SHQ1: variants seen among roughly 807,000 people sequenced by gnomAD.
The protein encoded by SHQ1 is protein SHQ1 homolog.
Under a neutral mutation model 53.8 loss-of-function variants are expected in SHQ1, and 49 were observed. The observed-to-expected ratio is 0.91, with a 90% CI of 0.72 to 1.16. SHQ1 has a LOEUF of 1.16. Ranked by LOEUF, SHQ1 falls within the 50% of genes most tolerant of loss-of-function variation. SHQ1 has a pLI of 0.00. For missense variants in SHQ1, 738 were observed against 683.1 expected (o/e 1.08, Z -0.90); for synonymous variants, 243 against 251.0 (o/e 0.97, Z 0.30).
At chr3:72,818,137 C>A (rs1707374387) in intron 6 of SHQ1, among the ~76,000 whole-genome samples, 1 of 152,040 alleles carries the variant, frequency 6.6e-6, no homozygotes, top group South Asian at 2.1e-4. Context: ...ACTTCCTACA[C>A]CCTCCCTCAA....
downstream of SHQ1, among the ~76,000 whole-genome samples, chr3:72,748,351 A>G (rs918650535): frequency 2.0e-4 from 29 of 147,358 alleles, no homozygotes; most frequent in Middle Eastern, 3.4e-3. Flanking sequence ...AAAAAAAAAA[A>G]AAAAAAAAAA....
chr3:72,777,831 A>G (rs1294678984), intron 10 of SHQ1, among the ~76,000 whole-genome samples: 1 of 152,222 alleles, frequency 6.6e-6, no homozygotes. Context: ...ACAGACAGAC[A>G]AACAGCACTA....
Position 72,848,292 on chromosome 3 carries a change from TAGTC to T in SHQ1, c.45_48del (p.Thr16SerfsTer33), listed in dbSNP as rs746828316. 5 of 1,614,006 alleles carry T rather than the reference TAGTC, an allele frequency of 3.1e-6. No homozygotes were observed. The highest frequency in any genetic ancestry group is 2.7e-5 in the African/African-American group (2 of 74,906). On this transcript the variant is annotated frameshift_variant, in exon 1 of 11. Coordinates refer to ENST00000325599, the MANE Select transcript of SHQ1 (RefSeq NM_018130.3). LOFTEE classifies it high-confidence loss of function. ...CGGGCGTAGGGCACGCGGATGGCGA[TAGTC>T]AGGAAGTCCGGATCCTGGCTGAGGT...
chr3:72,742,619 C>CTTTTTTTT, the SHQ1 span, among the ~76,000 whole-genome samples: 38 of 128,590 alleles, frequency 3.0e-4, no homozygotes, highest in Non-Finnish European at 3.4e-4. Flanking sequence ...TTCTTTTTTT[C>CTTTTTTTT]TTTTTTTTTT....
intron 4 of SHQ1, 28 bp downstream of exon 4, chr3:72,841,016 GA>G: frequency 6.3e-7 from 1 of 1,588,270 alleles, no homozygotes; most frequent in Non-Finnish European, 8.5e-7. Context: ...AAACCCTATA[GA>G]TCAAGATCTT....
intron 10 of SHQ1, among the ~76,000 whole-genome samples, chr3:72,762,638 A>G (rs115547558): frequency 0.019 from 2,851 of 152,052 alleles, 84 homozygotes; most frequent in African/African-American, 0.063. Flanking sequence ...TCTGTGACTC[A>G]CTCAACATGA....
At chr3:72,842,478 C>T in intron 2 of SHQ1, 76 bp from the exon 3 acceptor site, 1 of 1,377,998 alleles carries the variant, frequency 7.3e-7, no homozygotes, top group Non-Finnish European at 1.0e-6. Context: ...CCAGTAATCC[C>T]AATACTCTGG....
chr3:72,786,473 T>G (rs935825941), intron 10 of SHQ1, among the ~76,000 whole-genome samples: 1 of 152,142 alleles, frequency 6.6e-6, no homozygotes, highest in Non-Finnish European at 1.5e-5. Context: ...GCATCCTGGG[T>G]TTTCAGGCTG....
At chr3:72,844,241 T>C (rs1708263474) in intron 2 of SHQ1, 118 bp downstream of exon 2, 1 of 779,940 alleles carries the variant, frequency 1.3e-6, no homozygotes, top group Non-Finnish European at 2.1e-6. Context: ...GAAAGAGTGA[T>C]AGGAACAGAT....
At position 72,835,083 on chromosome 3, in the gene SHQ1, T is replaced by G. The variant is rs78268773; in HGVS notation, c.487-2602A>C. On this transcript the variant is annotated intron_variant, in intron 4 of 10. Coordinates refer to ENST00000325599, the MANE Select transcript of SHQ1 (RefSeq NM_018130.3). The stretch of plus-strand genomic sequence containing the variant: ...TTCCTTGGTTTGCAGCCCCACATCA[T>G]AATACCATTCCTCCATCAGCTTCTT... Among the ~76,000 whole-genome samples, 749 of 151,114 alleles carry G rather than the reference T, an allele frequency of 5.0e-3. 8 individuals are homozygous for G. Among genetic ancestry groups the G allele is most frequent in the African/African-American group, 0.018 (720 of 41,052 alleles).
intron 10 of SHQ1, chr3:72,753,603 A>AG: frequency 1.0e-6 from 1 of 985,394 alleles, no homozygotes; most frequent in South Asian, 4.7e-5. Context: ...GTTGATGGGT[A>AG]GCTTTCTCTT....
chr3:72,786,398 T>C (rs762132730), intron 10 of SHQ1, among the ~76,000 whole-genome samples: 1 of 152,204 alleles, frequency 6.6e-6, no homozygotes, highest in African/African-American at 2.4e-5. Flanking sequence ...CATCTTTAGG[T>C]GGCCAAGCCT....
At chr3:72,817,169 C>T in intron 7 of SHQ1, 61 bp downstream of exon 7, 1 of 1,530,756 alleles carries the variant, frequency 6.5e-7, no homozygotes, top group Non-Finnish European at 8.8e-7. Flanking sequence ...AAGACTGATG[C>T]TTTAATGCAG....
intron 6 of SHQ1, among the ~76,000 whole-genome samples, chr3:72,821,929 T>C (rs1707490712): frequency 6.6e-6 from 1 of 152,220 alleles, no homozygotes; most frequent in East Asian, 1.9e-4. Context: ...ACAAGGAACT[T>C]TCCCTTAAAG....
intron 9 of SHQ1, 150 bp downstream of exon 9, chr3:72,812,521 C>T (rs1454223725): frequency 3.8e-6 from 3 of 787,024 alleles, no homozygotes; most frequent in African/African-American, 3.5e-5. Context: ...ATGTCTTATA[C>T]ACAGGAATTC....
intron 10 of SHQ1, among the ~76,000 whole-genome samples, chr3:72,772,283 G>T (rs1384440138): frequency 6.6e-6 from 1 of 152,072 alleles, no homozygotes; most frequent in Non-Finnish European, 1.5e-5. Flanking sequence ...CATCTACTTG[G>T]CAGGAGAGGG....
chr3:72,835,617 G>A (rs1010369540), intron 4 of SHQ1, among the ~76,000 whole-genome samples: 1 of 152,158 alleles, frequency 6.6e-6, no homozygotes, highest in Non-Finnish European at 1.5e-5. Flanking sequence ...CTCTAACTGC[G>A]CTGAGAGTAG....
At chr3:72,840,083 C>T (rs182971681) in intron 4 of SHQ1, among the ~76,000 whole-genome samples, 359 of 151,670 alleles carry the variant, frequency 2.4e-3, no homozygotes, top group Admixed American at 3.7e-3. Context: ...AAAACTCCAT[C>T]TCTACTAAAA....
downstream of SHQ1, among the ~76,000 whole-genome samples, chr3:72,747,453 T>C (rs995492762): frequency 6.6e-6 from 1 of 152,184 alleles, no homozygotes; most frequent in Non-Finnish European, 1.5e-5. Context: ...TGAAAGACAG[T>C]GATCCTGAGA....
Sources: gnomAD v4.1 joint callset for allele counts (sites outside exome capture counted in the v4.1 genomes callset) on GRCh38, gnomAD v4.1.1 for gene constraint, MANE v1.5 for transcripts, NCBI Gene and HGNC (gene_info 2026-07-23, HGNC 2026-07-21) for gene names.